The following HK1 variants were observed in gnomAD, a reference collection of about 807,000 sequenced individuals.
The protein encoded by HK1 is hexokinase-1.
In HK1, 28 loss-of-function variants were observed where a neutral mutation model predicts 91.6. The ratio of observed to expected loss-of-function variants is 0.31; its 90% CI spans 0.23 to 0.42. The LOEUF is 0.42. Among genes scored for constraint, HK1 ranks in the 10% least tolerant of loss-of-function variants. HK1 has a pLI of 1.00. For synonymous variants in HK1, 430 were observed against 468.1 expected (o/e 0.92, Z 1.05); for missense variants, 770 against 1,219.8 (o/e 0.63, Z 5.49).
chr10:69,391,209 T>C (rs1315941967), intron 14 of HK1, among the ~76,000 whole-genome samples: 1 of 152,210 alleles, frequency 6.6e-6, no homozygotes. Context: ...GATACAAAAA[T>C]GATGAAAAAC....
chr10:69,272,274 A>T (rs561851670), intron 1 of HK1, among the ~76,000 whole-genome samples: 1 of 152,362 alleles, frequency 6.6e-6, no homozygotes, highest in East Asian at 1.9e-4. Context: ...GTTACAGACT[A>T]TCAGAAATTA....
intron 1 of HK1, among the ~76,000 whole-genome samples, chr10:69,327,004 T>TTC (rs1239859461): frequency 5.4e-5 from 8 of 147,258 alleles, no homozygotes; most frequent in Admixed American, 3.4e-4. Flanking sequence ...TTTAAACTTT[T>TTC]TTTTTTTTTT....
chr10:69,399,346 C>A lies in HK1; in HGVS notation c.2609+518C>A, dbSNP rs550033283. 6.6e-5 allele frequency among the ~76,000 whole-genome samples: 10 copies of A among 152,080 alleles called. No individual in the cohort carries two copies. The East Asian group carries it at 1.7e-3, about 27-fold the overall frequency. Reference sequence around the variant, plus strand: ...GCAACATAGTGAGACCTTGTCTGTACAAAAAAATTTTGAAAATTAGCCAGG... The same window carrying A: ...GCAACATAGTGAGACCTTGTCTGTAAAAAAAAATTTTGAAAATTAGCCAGG... On this transcript the variant is annotated intron_variant, in intron 17 of 17. Transcript: ENST00000359426.
intron 1 of HK1, among the ~76,000 whole-genome samples, chr10:69,320,523 A>T (rs138719657): frequency 5.3e-5 from 8 of 152,070 alleles, no homozygotes; most frequent in African/African-American, 1.9e-4. Context: ...GCATTTCATG[A>T]GTTTTCTCTA....
intron 7 of HK1, among the ~76,000 whole-genome samples, chr10:69,373,751 G>A (rs1850141492): frequency 6.6e-6 from 1 of 151,854 alleles, no homozygotes; most frequent in East Asian, 1.9e-4. Flanking sequence ...TACCATGCCT[G>A]GCTAATTTTA....
chr10:69,288,894 C>G (rs1404728632), intron 3 of HK1: 1 of 793,308 alleles, frequency 1.3e-6, no homozygotes, highest in Non-Finnish European at 2.1e-6. Context: ...TCAAGCGATT[C>G]TCCTGCCTCA....
At chr10:69,364,985 C>T in intron 4 of HK1, 83 bp downstream of exon 4, 1 of 1,505,778 alleles carries the variant, frequency 6.6e-7, no homozygotes, top group Non-Finnish European at 9.2e-7. Context: ...CAACTTTTCC[C>T]CTTTGTTGGC....
At chr10:69,348,914 C>T (rs1848703032) in intron 2 of HK1, among the ~76,000 whole-genome samples, 1 of 152,132 alleles carries the variant, frequency 6.6e-6, no homozygotes, top group Non-Finnish European at 1.5e-5. Flanking sequence ...GTACTCGAGA[C>T]ACATCTGTCC....
intron 2 of HK1, among the ~76,000 whole-genome samples, chr10:69,285,054 G>A (rs1844953121): frequency 1.3e-5 from 2 of 151,964 alleles, no homozygotes; most frequent in Admixed American, 1.3e-4. Flanking sequence ...CCTGACCTCA[G>A]GTGTTCTGCC....
chr10:69,301,589 A>G (rs1353909130), intron 5 of HK1, among the ~76,000 whole-genome samples: 6 of 151,114 alleles, frequency 4.0e-5, no homozygotes, highest in South Asian at 2.1e-4. Context: ...AAAAAAAAAA[A>G]AAAAAAGAAA....
chr10:69,387,210 C>T (rs1386405595), intron 13 of HK1, among the ~76,000 whole-genome samples: 1 of 152,126 alleles, frequency 6.6e-6, no homozygotes, highest in Non-Finnish European at 1.5e-5. Context: ...GAGCAAAGCC[C>T]CACTTCTTTA....
Position 69,368,571 on chromosome 10 carries a change from G to T in HK1, c.531G>T (p.Ala177=), listed in dbSNP as rs370998274. ...ILITWTKRFK[A]SGVEGADVVK... is the part of the protein sequence containing the mutation. ...TCACCTGGACAAAGCGATTTAAAGC[G>T]AGCGGAGTGGAAGGAGCAGATGTGG... Residue 177 remains alanine (A), a synonymous_variant, in exon 5 of 18, where the codon GCG becomes GCT. Coordinates refer to ENST00000359426, the MANE Select transcript of HK1 (RefSeq NM_000188.3). 9 of 1,614,220 alleles carry T rather than the reference G, an allele frequency of 5.6e-6. No homozygotes were observed. The highest frequency in any genetic ancestry group is 7.6e-6 in the Non-Finnish European group (9 of 1,180,038).
intron 3 of HK1, 124 bp from the exon 4 acceptor site, chr10:69,364,659 G>A: frequency 1.7e-6 from 2 of 1,209,992 alleles, no homozygotes; most frequent in South Asian, 1.2e-5. Context: ...GGTCCCAGGA[G>A]TACGAGCACT....
chr10:69,383,669 A>C (rs534039380), intron 10 of HK1, among the ~76,000 whole-genome samples: 2 of 152,354 alleles, frequency 1.3e-5, no homozygotes, highest in East Asian at 3.9e-4. Context: ...GTCAGCTGGG[A>C]GGCAGATCTC....
At chr10:69,353,948 G>A (rs1026920587) in intron 2 of HK1, among the ~76,000 whole-genome samples, 2 of 152,228 alleles carry the variant, frequency 1.3e-5, no homozygotes, top group South Asian at 2.1e-4. Context: ...GCCACAACCT[G>A]TGCTTGTGAC....
intron 2 of HK1, among the ~76,000 whole-genome samples, chr10:69,353,368 C>T (rs1342762586): frequency 1.3e-5 from 2 of 152,128 alleles, no homozygotes; most frequent in Admixed American, 6.6e-5. Flanking sequence ...GTGGGTGGAT[C>T]GCTTGAGCCT....
At chr10:69,318,836 GGGAGGAGGA>G (rs559346976), upstream of HK1, 3 of 1,458,840 alleles carry the variant, frequency 2.1e-6, no homozygotes, top group South Asian at 2.8e-5. Flanking sequence ...GAGGAGCCGG[GGGAGGAGGA>G]GGAGGAGGAG....
chr10:69,286,468 C>T (rs1316513612), intron 2 of HK1, among the ~76,000 whole-genome samples: 1 of 152,018 alleles, frequency 6.6e-6, no homozygotes, highest in East Asian at 1.9e-4. Context: ...CACTCCAGCC[C>T]AGGTGACAGA....
Position 69,343,831 on chromosome 10 carries a change from A to C in HK1, c.68A>C (p.Asp23Ala). ...TTCCTTCTCATCCCCCTCCAGATTG[A>C]CAAGTATCTCTATGCCATGCGGCTC... ...ELKDDQVKKI[D>A]KYLYAMRLSD... Residue 23 changes from aspartate to alanine, a missense_variant, in exon 2 of 18, where the codon GAC (aspartate) becomes GCC (alanine). By Grantham distance (126) the Asp-to-Ala change is moderately radical. Coordinates refer to ENST00000359426, the MANE Select transcript of HK1 (RefSeq NM_000188.3). 6.2e-7 allele frequency: 1 copy of C among 1,612,732 alleles called. No homozygotes were observed. Among genetic ancestry groups the C allele is most frequent in the Non-Finnish European group, 8.5e-7 (1 of 1,178,880 alleles).
Sources: gnomAD v4.1 joint callset for allele counts (sites outside exome capture counted in the v4.1 genomes callset) on GRCh38, gnomAD v4.1.1 for gene constraint, MANE v1.5 for transcripts, NCBI Gene and HGNC (gene_info 2026-07-23, HGNC 2026-07-21) for gene names.